The following CCBE1 variants were observed in gnomAD, a reference collection of about 807,000 sequenced individuals.
CCBE1 encodes the protein collagen and calcium binding EGF domains 1.
CCBE1 carries 37 observed loss-of-function variants against 50.0 expected under a neutral mutation model. The observed-to-expected ratio is 0.74, with a 90% CI of 0.57 to 0.97. CCBE1 has a LOEUF of 0.97. Ranked by LOEUF, CCBE1 falls within the 50% of genes least tolerant of loss-of-function variation. The probability of loss-of-function intolerance (pLI) is 0.00; values close to 1 mark genes in which losing one functional copy is unlikely to be tolerated. For missense variants in CCBE1, 538 were observed against 523.8 expected (o/e 1.03, Z -0.26); for synonymous variants, 234 against 203.7 (o/e 1.15, Z -1.27).
rs192025725 is a variant in CCBE1, at chr18:59,638,928, T to C, written c.212+57701A>G. Among the ~76,000 whole-genome samples, 609 of 152,268 alleles carry C rather than the reference T, an allele frequency of 4.0e-3. 3 individuals carry two copies. The highest frequency in any genetic ancestry group is 4.8e-3 in the Non-Finnish European group (328 of 68,016). ...CACTATGTTCATAGATAACAAGAAATCTAATTTGAGAGTAACTGGTTTACT... is the reference window on the plus strand; with the variant it reads ...CACTATGTTCATAGATAACAAGAAACCTAATTTGAGAGTAACTGGTTTACT... On this transcript the variant is annotated intron_variant, in intron 2 of 10. Coordinates refer to ENST00000439986, the MANE Select transcript of CCBE1 (RefSeq NM_133459.4).
intron 2 of CCBE1, among the ~76,000 whole-genome samples, chr18:59,607,101 T>C (rs952059224): frequency 6.7e-6 from 1 of 148,994 alleles, no homozygotes; most frequent in Non-Finnish European, 1.5e-5. Context: ...ACTGCATCAG[T>C]CAGTCCAATC....
intron 2 of CCBE1, among the ~76,000 whole-genome samples, chr18:59,534,916 A>G (rs1915189357): frequency 6.6e-6 from 1 of 152,228 alleles, no homozygotes; most frequent in Non-Finnish European, 1.5e-5. Flanking sequence ...GGCTTAGAAG[A>G]AAAAACAGAA....
intron 2 of CCBE1, among the ~76,000 whole-genome samples, chr18:59,575,873 C>T (rs1030934736): frequency 6.6e-6 from 1 of 152,166 alleles, no homozygotes; most frequent in Non-Finnish European, 1.5e-5. Flanking sequence ...CTGCTGGAAT[C>T]GATAAGTATA....
At chr18:59,691,437 G>A (rs188769244) in intron 2 of CCBE1, among the ~76,000 whole-genome samples, 4 of 152,190 alleles carry the variant, frequency 2.6e-5, no homozygotes, top group Non-Finnish European at 4.4e-5. Flanking sequence ...ATGGAGTCTC[G>A]CTCTGTTGCC....
At chr18:59,626,246 G>A (rs868150043) in intron 2 of CCBE1, among the ~76,000 whole-genome samples, 3 of 152,144 alleles carry the variant, frequency 2.0e-5, no homozygotes, top group South Asian at 2.1e-4. Context: ...TAAAGTACTC[G>A]TTTATTTATG....
chr18:59,504,373 A>AGAATGTC (rs928415257), intron 2 of CCBE1, among the ~76,000 whole-genome samples: 1 of 139,978 alleles, frequency 7.1e-6, no homozygotes, highest in Non-Finnish European at 1.5e-5. Flanking sequence ...ATCTGATCCT[A>AGAATGTC]GAATGTCTTC....
chr18:59,666,805 A>G (rs938008873), intron 2 of CCBE1, among the ~76,000 whole-genome samples: 1 of 152,090 alleles, frequency 6.6e-6, no homozygotes, highest in African/African-American at 2.4e-5. Flanking sequence ...TCTCTACTAA[A>G]AACACAAAAA....
intron 7 of CCBE1, 123 bp from the exon 8 acceptor site, chr18:59,439,939 C>T: frequency 9.9e-7 from 1 of 1,007,692 alleles, no homozygotes; most frequent in Non-Finnish European, 1.5e-6. Context: ...TGCCTTCTGA[C>T]ATCTCCATCA....
rs559629910 is a variant in CCBE1 at position 59,609,273 on chromosome 18, T to G, written c.212+87356A>C. Among the ~76,000 whole-genome samples, 6 of 152,304 alleles carry G rather than the reference T, an allele frequency of 3.9e-5. No homozygotes were observed. The South Asian group carries it at 1.2e-3, about 32-fold the overall frequency. ...TTCATATTCCAGTGACTCTCAAAAT[T>G]AGATCTCCTGCTCACAAATCTCTGT... On this transcript the variant is annotated intron_variant, in intron 2 of 10. Coordinates refer to ENST00000439986, the MANE Select transcript of CCBE1 (RefSeq NM_133459.4).
intron 7 of CCBE1, among the ~76,000 whole-genome samples, chr18:59,445,917 C>A (rs35588582): frequency 1.3e-5 from 2 of 152,306 alleles, no homozygotes; most frequent in South Asian, 4.1e-4. Flanking sequence ...CCCTTACCAC[C>A]AAAGCTAAGC....
intron 2 of CCBE1, among the ~76,000 whole-genome samples, chr18:59,541,311 A>G (rs977770260): frequency 1.3e-4 from 20 of 152,248 alleles, no homozygotes; most frequent in Non-Finnish European, 2.4e-4. Context: ...ATGGGAAACT[A>G]AAAACAAGGA....
chr18:59,683,422 G>A (rs925286139), intron 2 of CCBE1, among the ~76,000 whole-genome samples: 1 of 152,194 alleles, frequency 6.6e-6, no homozygotes, highest in Admixed American at 6.5e-5. Flanking sequence ...TTGGCCAGGC[G>A]GGGTGGCTCA....
At chr18:59,612,330 G>GAAAA (rs5825351) in intron 2 of CCBE1, among the ~76,000 whole-genome samples, 11 of 130,666 alleles carry the variant, frequency 8.4e-5, no homozygotes, top group East Asian at 2.2e-4. Context: ...AGAAAAAAAA[G>GAAAA]AAAAAAAAAA....
intron 2 of CCBE1, chr18:59,666,285 C>G (rs1468673518): frequency 1.3e-5 from 2 of 152,172 alleles, no homozygotes; most frequent in Admixed American, 1.3e-4. Flanking sequence ...CCACCAGATT[C>G]CTCTCATGGC....
At chr18:59,449,867 GA>G (rs1910851328) in intron 6 of CCBE1, among the ~76,000 whole-genome samples, 2 of 152,096 alleles carry the variant, frequency 1.3e-5, no homozygotes, top group South Asian at 4.1e-4. Context: ...TTGGCCTCTT[GA>G]AAAAGTGACG....
chr18:59,449,049 T>A (rs971778594), intron 6 of CCBE1, among the ~76,000 whole-genome samples: 3 of 152,206 alleles, frequency 2.0e-5, no homozygotes, highest in African/African-American at 7.2e-5. Context: ...GGGTCAACAC[T>A]GGCAGCTGAA....
At chr18:59,627,706 C>A (rs1599077946) in intron 2 of CCBE1, among the ~76,000 whole-genome samples, 2 of 152,294 alleles carry the variant, frequency 1.3e-5, no homozygotes, top group East Asian at 3.9e-4. Flanking sequence ...TTGTCAGCAA[C>A]CCCCAGACGC....
intron 2 of CCBE1, among the ~76,000 whole-genome samples, chr18:59,673,664 T>C (rs1244523402): frequency 6.6e-6 from 1 of 152,194 alleles, no homozygotes; most frequent in Non-Finnish European, 1.5e-5. Context: ...AGTGTTGAAT[T>C]TTATTGAAGG....
At chr18:59,539,207 C>CA (rs556723864) in intron 2 of CCBE1, among the ~76,000 whole-genome samples, 9,832 of 131,606 alleles carry the variant, frequency 0.075, 929 homozygotes, top group East Asian at 0.45. Context: ...ACACAAAAAA[C>CA]AAAAAAAAAC....
Sources: gnomAD v4.1 joint callset for allele counts (sites outside exome capture counted in the v4.1 genomes callset) on GRCh38, gnomAD v4.1.1 for gene constraint, MANE v1.5 for transcripts, NCBI Gene and HGNC (gene_info 2026-07-23, HGNC 2026-07-21) for gene names.